The following CREB3L1 variants were observed in gnomAD, a reference collection of about 807,000 sequenced individuals.
CREB3L1 encodes the protein cyclic AMP-responsive element-binding protein 3-like protein 1.
In CREB3L1, 33 loss-of-function variants were observed where a neutral mutation model predicts 54.5. The ratio of observed to expected loss-of-function variants is 0.61; its 90% CI spans 0.46 to 0.81. The LOEUF is 0.81. Among genes scored for constraint, CREB3L1 ranks in the 30% least tolerant of loss-of-function variants. The pLI is 0.00. For synonymous variants in CREB3L1, 284 were observed against 286.4 expected, an observed-to-expected ratio of 0.99 and a Z score of 0.08; for missense variants, 656 against 673.3, an observed-to-expected ratio of 0.97 and a Z score of 0.29.
rs144743854 is a variant in CREB3L1, at chr11:46,293,587, C to T, written c.103-6348C>T. Among the ~76,000 whole-genome samples the T allele has an allele frequency of 4.1e-3, 631 of 152,310 alleles. 5 individuals are homozygous for T. The highest frequency in any genetic ancestry group is 0.014 in the African/African-American group (600 of 41,564). ...CGCGGCTGGCGCCAGCCTGCTGATT[C>T]CTCTCTCCTTCCTTTCTCCAGCACA... On this transcript the variant is annotated intron_variant, in intron 1 of 11. Coordinates refer to ENST00000621158, the MANE Select transcript of CREB3L1 (RefSeq NM_052854.4).
intron 1 of CREB3L1, among the ~76,000 whole-genome samples, chr11:46,289,898 G>A (rs1428284950): frequency 6.6e-6 from 1 of 152,194 alleles, no homozygotes; most frequent in Non-Finnish European, 1.5e-5. Context: ...CAGCTCCTCT[G>A]AAGGGTCTCA....
chr11:46,316,448 T>C (rs1939568629), intron 9 of CREB3L1, 63 bp downstream of exon 9: 1 of 1,138,290 alleles, frequency 8.8e-7, no homozygotes, highest in Admixed American at 2.0e-5. Context: ...GCTGGCTTTT[T>C]CCAGGGTTGG....
At chr11:46,320,561 C>T (rs1409982484) in intron 11 of CREB3L1, 33 bp downstream of exon 11, 1 of 1,556,610 alleles carries the variant, frequency 6.4e-7, no homozygotes, top group Non-Finnish European at 8.7e-7. Context: ...CTCCTGAGGT[C>T]TCAGGCTCCA....
At chr11:46,285,574 G>C (rs1186081290) in intron 1 of CREB3L1, among the ~76,000 whole-genome samples, 2 of 152,184 alleles carry the variant, frequency 1.3e-5, no homozygotes, top group African/African-American at 4.8e-5. Flanking sequence ...CCACCACCTA[G>C]ACACACCATA....
chr11:46,297,711 T>C lies in CREB3L1; in HGVS notation c.103-2224T>C, dbSNP rs561320619. ...GCTGGCAAACTGGGAAGTGGGAGAG[T>C]ACCCCTGCCAATGGGGCTTCTGAGC... On this transcript the variant is annotated intron_variant, in intron 1 of 11. Coordinates refer to ENST00000621158, the MANE Select transcript of CREB3L1 (RefSeq NM_052854.4). Among the ~76,000 whole-genome samples, 285 of 152,086 alleles carry C rather than the reference T, an allele frequency of 1.9e-3. 1 individual carries two copies. Among genetic ancestry groups the C allele is most frequent in the African/African-American group, 6.8e-3 (280 of 41,470 alleles).
intron 1 of CREB3L1, among the ~76,000 whole-genome samples, chr11:46,279,702 A>G (rs1216862161): frequency 6.6e-6 from 1 of 152,168 alleles, no homozygotes; most frequent in Non-Finnish European, 1.5e-5. Context: ...CGGGGGATCC[A>G]CACCTCCTCT....
At chr11:46,317,247 T>C in intron 9 of CREB3L1, 114 bp from the exon 10 acceptor site, 1 of 1,405,042 alleles carries the variant, frequency 7.1e-7, no homozygotes, top group Non-Finnish European at 9.8e-7. Context: ...AGCTGCTTCC[T>C]TGGGAAAACG....
chr11:46,300,282 C>A (rs890651604), intron 2 of CREB3L1, 119 bp downstream of exon 2: 8 of 722,566 alleles, frequency 1.1e-5, no homozygotes, highest in Admixed American at 1.0e-4. Context: ...CAAGAGGAGC[C>A]ACCACAAACC....
intron 2 of CREB3L1, among the ~76,000 whole-genome samples, chr11:46,303,180 G>A (rs535537757): frequency 4.6e-5 from 7 of 152,124 alleles, no homozygotes; most frequent in African/African-American, 1.7e-4. Flanking sequence ...GTGCATCCCC[G>A]TGTCTCCACC....
rs770702583 is a variant in CREB3L1 at position 46,310,048 on chromosome 11, G to A, written c.576G>A (p.Gln192=). The change falls in exon 4 of 12, where the codon CAG becomes CAA. Residue 192 remains glutamine (Q), a synonymous_variant. Transcript: ENST00000621158. ...VIKAEPLEVN[Q]FLKVTPEDLV... is the part of the protein sequence containing the mutation. ...AAGCAGAGCCTCTGGAGGTGAACCA[G>A]TTCCTCAAAGTGACACCGGGTAGGT... The A allele has an allele frequency of 1.3e-6, 2 of 1,597,902 alleles. No homozygotes were observed. The highest frequency in any genetic ancestry group is 1.7e-6 in the Non-Finnish European group (2 of 1,172,412).
chr11:46,299,845 T>C lies in CREB3L1; in HGVS notation c.103-90T>C. On this transcript the variant is annotated intron_variant, in intron 1 of 11. Coordinates refer to ENST00000621158, the MANE Select transcript of CREB3L1 (RefSeq NM_052854.4). ...GAGGTTGCAGGGACAGTGGTGGCCA[T>C]GGTGGGGTGCTGCACCACCACAGTA... 5.7e-6 allele frequency: 5 copies of C among 874,322 alleles called. 1 individual carries two copies. Among genetic ancestry groups the C allele is most frequent in the South Asian group, 5.7e-5 (4 of 70,248 alleles). The allele number at this position is 874,322 out of a possible 1,614,324, so 54.2% of individuals were successfully genotyped here.
At chr11:46,317,835 T>A (rs1939589691) in intron 10 of CREB3L1, among the ~76,000 whole-genome samples, 1 of 152,198 alleles carries the variant, frequency 6.6e-6, no homozygotes, top group Non-Finnish European at 1.5e-5. Context: ...CTAGGCACCA[T>A]CAGTATCTCA....
At chr11:46,293,180 T>G (rs1266147096) in intron 1 of CREB3L1, among the ~76,000 whole-genome samples, 3 of 152,222 alleles carry the variant, frequency 2.0e-5, no homozygotes, top group Non-Finnish European at 2.9e-5. Flanking sequence ...ACCCCGGCAC[T>G]CGGTTTCCGG....
At chr11:46,303,434 C>G (rs1411947829) in intron 2 of CREB3L1, among the ~76,000 whole-genome samples, 1 of 151,940 alleles carries the variant, frequency 6.6e-6, no homozygotes, top group African/African-American at 2.4e-5. Context: ...TGCTTGAGCC[C>G]AGGAGTTCAA....
At position 46,277,995 on chromosome 11, in the gene CREB3L1, G is replaced by A. The variant is rs1310946715; in HGVS notation, c.-117G>A. Reference sequence around the variant, plus strand: ...CCGTCCGCCCCTCCCCCGGGGCTTCGCCCCGGACCTGCCCCCCGCCCGTTT... The same window carrying A: ...CCGTCCGCCCCTCCCCCGGGGCTTCACCCCGGACCTGCCCCCCGCCCGTTT... On this transcript the variant is annotated 5_prime_UTR_variant, in exon 1 of 12. Transcript: ENST00000621158. The A allele has an allele frequency of 2.8e-5, 12 of 435,700 alleles. No homozygotes were observed. The highest frequency in any genetic ancestry group is 4.5e-5 in the Non-Finnish European group (12 of 264,612). 27.0% of individuals were successfully genotyped at this position (435,700 alleles called of 1,614,324 possible).
Position 46,310,255 on chromosome 11 carries a change from T to TTTTG in CREB3L1, c.595+212_595+215dup, listed in dbSNP as rs10629837. On this transcript the variant is annotated intron_variant, in intron 4 of 11. Transcript: ENST00000621158. ...TCGTCTAGTCCTCTTCGTTTTTGTTTTTTGTTTGTTTGTTTGTTTGTTTGT... is the reference window on the plus strand; with the variant it reads ...TCGTCTAGTCCTCTTCGTTTTTGTTTTTTGTTTGTTTGTTTGTTTGTTTGTTTGT... 0.32 allele frequency among the ~76,000 whole-genome samples: 47,702 copies of TTTTG among 150,024 alleles called. 11,813 individuals carry two copies. The highest frequency in any genetic ancestry group is 0.7 in the African/African-American group (28,243 of 40,192).
At chr11:46,297,324 A>G (rs915217537) in intron 1 of CREB3L1, among the ~76,000 whole-genome samples, 3 of 152,068 alleles carry the variant, frequency 2.0e-5, no homozygotes, top group Admixed American at 2.0e-4. Context: ...GTACTGCCTC[A>G]CTCCAGGTAT....
In CREB3L1 at chr11:46,277,999, C is replaced by G. The variant is rs960756856; in HGVS notation, c.-113C>G. ...CCGCCCCTCCCCCGGGGCTTCGCCC[C>G]GGACCTGCCCCCCGCCCGTTTGCCA... On this transcript the variant is annotated 5_prime_UTR_variant, in exon 1 of 12. Coordinates refer to ENST00000621158, the MANE Select transcript of CREB3L1 (RefSeq NM_052854.4). 10 of 497,046 alleles carry G rather than the reference C, an allele frequency of 2.0e-5. No homozygotes were observed. The highest frequency in any genetic ancestry group is 2.9e-5 in the Non-Finnish European group (9 of 309,132). The allele number at this position is 497,046 out of a possible 1,614,324, so 30.8% of individuals were successfully genotyped here.
intron 2 of CREB3L1, 71 bp from the exon 3 acceptor site, chr11:46,307,745 A>C: frequency 7.6e-7 from 1 of 1,321,220 alleles, no homozygotes; most frequent in Non-Finnish European, 1.0e-6. Flanking sequence ...AGCCTAGGGT[A>C]GCTCCCAGGG....
Sources: gnomAD v4.1 joint callset for allele counts (sites outside exome capture counted in the v4.1 genomes callset) on GRCh38, gnomAD v4.1.1 for gene constraint, MANE v1.5 for transcripts, NCBI Gene and HGNC (gene_info 2026-07-23, HGNC 2026-07-21) for gene names.